IQCM: variants seen among roughly 807,000 people sequenced by gnomAD.
IQCM encodes IQ domain-containing protein M.
In IQCM, 45 loss-of-function variants were observed where a neutral mutation model predicts 57.6. The ratio of observed to expected loss-of-function variants is 0.78; its 90% CI spans 0.62 to 1.00. The LOEUF (loss-of-function observed/expected upper bound fraction) is 1.00. IQCM is among the 50% of genes least tolerant of loss of function. The pLI is 0.00. For synonymous variants in IQCM, 148 were observed against 158.9 expected, an observed-to-expected ratio of 0.93 and a Z score of 0.51; for missense variants, 468 against 511.6, an observed-to-expected ratio of 0.91 and a Z score of 0.82.
At chr4:149,439,373 T>C (rs910152151) in intron 12 of IQCM, among the ~76,000 whole-genome samples, 1 of 152,104 alleles carries the variant, frequency 6.6e-6, no homozygotes, top group African/African-American at 2.4e-5. Context: ...GTATTTGATA[T>C]AGGAAGCTAA....
At chr4:149,798,733 C>A (rs547897029) in intron 2 of IQCM, among the ~76,000 whole-genome samples, 6 of 151,960 alleles carry the variant, frequency 3.9e-5, no homozygotes, top group African/African-American at 1.4e-4. Context: ...AAGACAAAAC[C>A]ATAAGAGACA....
chr4:149,560,320 A>G (rs1750000097), intron 10 of IQCM, among the ~76,000 whole-genome samples: 1 of 152,218 alleles, frequency 6.6e-6, no homozygotes, highest in Non-Finnish European at 1.5e-5. Context: ...GATTCAACAA[A>G]TATTTATTAA....
intron 5 of IQCM, among the ~76,000 whole-genome samples, chr4:149,729,867 G>T (rs1252487987): frequency 2.6e-5 from 4 of 152,052 alleles, no homozygotes; most frequent in Non-Finnish European, 4.4e-5. Flanking sequence ...GTAGATATTT[G>T]CTCAAAACCA....
chr4:149,766,758 T>C (rs1770099273), intron 2 of IQCM, among the ~76,000 whole-genome samples: 1 of 152,154 alleles, frequency 6.6e-6, no homozygotes, highest in African/African-American at 2.4e-5. Context: ...AGAATTATTA[T>C]GAATAAATCT....
chr4:149,783,783 A>G (rs551687943), intron 2 of IQCM, among the ~76,000 whole-genome samples: 7 of 152,326 alleles, frequency 4.6e-5, no homozygotes, highest in Non-Finnish European at 1.0e-4. Context: ...CATGTAAAGA[A>G]GTCCACGTGA....
intron 13 of IQCM, among the ~76,000 whole-genome samples, chr4:149,401,990 G>A (rs1309404656): frequency 6.6e-6 from 1 of 151,806 alleles, no homozygotes; most frequent in Non-Finnish European, 1.5e-5. Context: ...ATAGGGAAAT[G>A]TTGATACACG....
chr4:149,449,955 C>T (rs1314278976), intron 12 of IQCM, among the ~76,000 whole-genome samples: 1 of 151,580 alleles, frequency 6.6e-6, no homozygotes, highest in Non-Finnish European at 1.5e-5. Context: ...CTAACTTCAA[C>T]TTATACTACA....
chr4:149,596,694 T>A (rs991607293), intron 8 of IQCM, among the ~76,000 whole-genome samples: 1 of 152,124 alleles, frequency 6.6e-6, no homozygotes, highest in Non-Finnish European at 1.5e-5. Context: ...TCTAGGAATT[T>A]CTAATGACAA....
chr4:149,481,703 T>TTTTTTTTTTTGTTTTTTG (rs1412414223), intron 12 of IQCM, among the ~76,000 whole-genome samples: 13 of 134,412 alleles, frequency 9.7e-5, no homozygotes, highest in Admixed American at 1.5e-4. Flanking sequence ...CCAGTTTTGT[T>TTTTTTTTTTTGTTTTTTG]TTTTTTTTTT....
intron 12 of IQCM, among the ~76,000 whole-genome samples, chr4:149,456,346 G>A (rs992232991): frequency 6.6e-6 from 1 of 152,048 alleles, no homozygotes; most frequent in African/African-American, 2.4e-5. Context: ...AAAATGGTTA[G>A]GACTAGAAGT....
chr4:149,654,077 G>A (rs556307657), intron 7 of IQCM, among the ~76,000 whole-genome samples: 65 of 152,206 alleles, frequency 4.3e-4, no homozygotes, highest in Admixed American at 1.2e-3. Context: ...TCTGAAAAGC[G>A]GATACGAATA....
chr4:149,697,036 C>G (rs1387151002), intron 5 of IQCM, among the ~76,000 whole-genome samples: 1 of 152,042 alleles, frequency 6.6e-6, no homozygotes, highest in Non-Finnish European at 1.5e-5. Flanking sequence ...AGAATAGAGG[C>G]CTGCATATCT....
chr4:149,629,969 G>C (rs1375930279), intron 7 of IQCM, among the ~76,000 whole-genome samples: 2 of 151,042 alleles, frequency 1.3e-5, no homozygotes, highest in African/African-American at 4.9e-5. Flanking sequence ...ACCTTTTTGG[G>C]AGCGGGTGTG....
intron 8 of IQCM, among the ~76,000 whole-genome samples, chr4:149,614,207 T>C (rs962258197): frequency 3.1e-4 from 47 of 152,252 alleles, no homozygotes; most frequent in African/African-American, 1.1e-3. Flanking sequence ...CAATTTTTAA[T>C]GCAGCTTATT....
chr4:149,636,991 A>G (rs1000692337), intron 7 of IQCM, among the ~76,000 whole-genome samples: 4 of 150,812 alleles, frequency 2.7e-5, no homozygotes, highest in African/African-American at 9.8e-5. Context: ...AAAATACAAA[A>G]AATTAGCCGG....
intron 5 of IQCM, among the ~76,000 whole-genome samples, chr4:149,692,347 A>G (rs1488313680): frequency 6.6e-6 from 1 of 152,182 alleles, no homozygotes. Flanking sequence ...CCAAACTAAG[A>G]CCATCAACAG....
At chr4:149,382,739 T>A (rs1365357292) in intron 13 of IQCM, among the ~76,000 whole-genome samples, 1 of 152,098 alleles carries the variant, frequency 6.6e-6, no homozygotes, top group Non-Finnish European at 1.5e-5. Context: ...TAAAACTGTC[T>A]CTGGATGCTA....
In IQCM at chr4:149,771,146, T is replaced by C. The variant is rs543729880; in HGVS notation, c.-48-28407A>G. On this transcript the variant is annotated intron_variant, in intron 2 of 13. Coordinates refer to ENST00000636793, the MANE Select transcript of IQCM (RefSeq NM_001363507.2). ...ATATATTTTCTATAAAGAACACAAT[T>C]TTATTTTTCAGACAGATAACCCAAG... is the stretch of plus-strand genomic sequence containing the variant. Among the ~76,000 whole-genome samples, 16 of 152,194 alleles carry C rather than the reference T, an allele frequency of 1.1e-4. No homozygotes were observed. In the East Asian group the frequency reaches 1.2e-3, roughly 11 times the overall value.
rs573982055 is a variant in IQCM at position 149,628,970 on chromosome 4, A to G, written c.566-7726T>C. On this transcript the variant is annotated intron_variant, in intron 7 of 13. Transcript: ENST00000636793. ...TTGCCTTCCATGTGTAAAGGCTAGG[A>G]AAAAACACCATTATCAAATACACCA... Among the ~76,000 whole-genome samples the G allele has an allele frequency of 9.2e-5, 14 of 152,300 alleles. No individual in the cohort carries two copies. The South Asian group carries it at 2.9e-3, about 32-fold the overall frequency.
Sources: gnomAD v4.1 joint callset for allele counts (sites outside exome capture counted in the v4.1 genomes callset) on GRCh38, gnomAD v4.1.1 for gene constraint, MANE v1.5 for transcripts, NCBI Gene and HGNC (gene_info 2026-07-23, HGNC 2026-07-21) for gene names.